The following CDC14A variants were observed in gnomAD, a reference collection of about 807,000 sequenced individuals.
CDC14A encodes the protein cell division cycle 14A.
A neutral mutation model predicts 74.4 loss-of-function variants in CDC14A; 53 were observed. The observed-to-expected ratio is 0.71, with a 90% CI of 0.57 to 0.89. The LOEUF is 0.89. Ranked by LOEUF, CDC14A falls within the 40% of genes least tolerant of loss-of-function variation. CDC14A has a pLI of 0.00. For synonymous variants in CDC14A, 247 were observed against 258.4 expected (o/e 0.96, Z 0.43); for missense variants, 646 against 713.7 (o/e 0.91, Z 1.08).
chr1:100,422,650 G>C (rs547718890), intron 4 of CDC14A, among the ~76,000 whole-genome samples: 10 of 152,228 alleles, frequency 6.6e-5, no homozygotes, highest in African/African-American at 2.4e-4. Context: ...TTGTCTGGCA[G>C]CACTTTTAGT....
At chr1:100,365,485 A>T (rs1363033283) in intron 2 of CDC14A, among the ~76,000 whole-genome samples, 1 of 152,248 alleles carries the variant, frequency 6.6e-6, no homozygotes, top group Non-Finnish European at 1.5e-5. Context: ...AAAGAACTTT[A>T]GGAGCCATCT....
In CDC14A at chr1:100,424,309, T is replaced by A; in HGVS notation, c.389+8T>A. On this transcript the variant is annotated splice_region_variant and intron_variant, in intron 5 of 15. Coordinates refer to ENST00000336454, the MANE Select transcript of CDC14A (RefSeq NM_003672.4). The stretch of plus-strand genomic sequence containing the variant: ...CCCCTATCTTCCATTCAGGTATAAC[T>A]CCTGGTGAGACTTGGGTTAAACTTT... The A allele has an allele frequency of 1.2e-6, 2 of 1,606,358 alleles. No homozygotes were observed. The highest frequency in any genetic ancestry group is 1.7e-6 in the Non-Finnish European group (2 of 1,172,962).
intron 11 of CDC14A, among the ~76,000 whole-genome samples, chr1:100,490,425 A>G (rs1371497768): frequency 6.6e-6 from 1 of 152,156 alleles, no homozygotes; most frequent in Non-Finnish European, 1.5e-5. Flanking sequence ...CAATGGCCAC[A>G]GAGAAAAAAT....
chr1:100,442,870 C>G (rs1665118204), intron 6 of CDC14A, 64 bp from the exon 7 acceptor site: 3 of 1,074,048 alleles, frequency 2.8e-6, no homozygotes, highest in South Asian at 2.5e-5. Flanking sequence ...AGTAGGAGTT[C>G]CAGAAATGAT....
intron 6 of CDC14A, among the ~76,000 whole-genome samples, chr1:100,441,196 T>G (rs941504465): frequency 6.6e-6 from 1 of 152,158 alleles, no homozygotes; most frequent in Non-Finnish European, 1.5e-5. Context: ...AATTAGTAAC[T>G]CAGTATAGAA....
chr1:100,477,454 G>C (rs1421221890), intron 10 of CDC14A, among the ~76,000 whole-genome samples: 1 of 151,872 alleles, frequency 6.6e-6, no homozygotes, highest in African/African-American at 2.4e-5. Flanking sequence ...GGAAGCTTGA[G>C]TTGCAACAAT....
chr1:100,446,262 A>G (rs1386933598), intron 7 of CDC14A, among the ~76,000 whole-genome samples: 3 of 152,214 alleles, frequency 2.0e-5, no homozygotes, highest in Admixed American at 6.5e-5. Context: ...TATGGCTCAG[A>G]AAAACAAAAA....
chr1:100,493,569 A>G (rs777389870), intron 11 of CDC14A, among the ~76,000 whole-genome samples: 1 of 152,216 alleles, frequency 6.6e-6, no homozygotes, highest in African/African-American at 2.4e-5. Flanking sequence ...TAGAAGTGCA[A>G]CTTGAGACTC....
At chr1:100,394,041 G>T in intron 4 of CDC14A, 1 of 251,752 alleles carries the variant, frequency 4.0e-6, no homozygotes. Context: ...GGGACCTCAG[G>T]TTTGCCCTAC....
At chr1:100,460,699 A>G (rs1389798244) in intron 8 of CDC14A, among the ~76,000 whole-genome samples, 1 of 152,200 alleles carries the variant, frequency 6.6e-6, no homozygotes, top group Non-Finnish European at 1.5e-5. Flanking sequence ...TGTTTTCTCC[A>G]TGTTTGTGTA....
chr1:100,432,373 A>G (rs1663798395), intron 5 of CDC14A, among the ~76,000 whole-genome samples: 1 of 152,218 alleles, frequency 6.6e-6, no homozygotes, highest in South Asian at 2.1e-4. Flanking sequence ...AAGTATACGG[A>G]CAATATAGTC....
intron 2 of CDC14A, among the ~76,000 whole-genome samples, chr1:100,359,011 T>C (rs1435211207): frequency 6.6e-6 from 1 of 152,164 alleles, no homozygotes. Context: ...CATACACATA[T>C]ATATGATCTG....
intron 9 of CDC14A, 102 bp from the exon 10 acceptor site, chr1:100,467,854 C>A: frequency 8.9e-7 from 1 of 1,121,288 alleles, no homozygotes; most frequent in Non-Finnish European, 1.3e-6. Context: ...AATATCATCA[C>A]ACTTGAATGC....
intron 8 of CDC14A, among the ~76,000 whole-genome samples, chr1:100,456,427 A>G (rs1666690941): frequency 7.8e-6 from 1 of 127,716 alleles, no homozygotes; most frequent in Non-Finnish European, 1.5e-5. Context: ...TGAACAAAAT[A>G]TCCCCCCCCC....
intron 4 of CDC14A, among the ~76,000 whole-genome samples, chr1:100,417,989 G>A (rs1286060029): frequency 6.6e-5 from 10 of 152,202 alleles, no homozygotes; most frequent in Admixed American, 6.5e-4. Flanking sequence ...CAAAAGAGCT[G>A]TGAGGGGCCC....
intron 11 of CDC14A, among the ~76,000 whole-genome samples, chr1:100,488,220 T>C (rs1456041783): frequency 1.8e-4 from 28 of 152,224 alleles, no homozygotes; most frequent in Admixed American, 1.8e-3. Flanking sequence ...ATGAAGTTAC[T>C]GTATGCCAGT....
intron 5 of CDC14A, among the ~76,000 whole-genome samples, chr1:100,426,654 T>C (rs1662992776): frequency 6.6e-6 from 1 of 152,208 alleles, no homozygotes. Context: ...CTCCCATCCT[T>C]GATCCTCATC....
intron 10 of CDC14A, among the ~76,000 whole-genome samples, chr1:100,473,639 C>T (rs956062484): frequency 3.3e-5 from 5 of 152,116 alleles, no homozygotes; most frequent in East Asian, 3.9e-4. Context: ...CCTCCCACCT[C>T]GGCCTCCCAA....
chr1:100,479,555 AT>A (rs1274857958), intron 10 of CDC14A, among the ~76,000 whole-genome samples: 1 of 152,214 alleles, frequency 6.6e-6, no homozygotes, highest in Non-Finnish European at 1.5e-5. Context: ...AGGCTAAAAA[AT>A]TTTAATTATT....
Sources: allele counts gnomAD v4.1 joint callset (sites outside exome capture counted in the v4.1 genomes callset), GRCh38; gene constraint gnomAD v4.1.1; transcripts MANE v1.5; gene names NCBI Gene and HGNC (gene_info 2026-07-23, HGNC 2026-07-21).